Variants in PROM2 observed in about 807,000 individuals in gnomAD.
The protein encoded by PROM2 is prominin 2.
PROM2 carries 90 observed loss-of-function variants against 110.2 expected under a neutral mutation model. The ratio of observed to expected loss-of-function variants is 0.82; its 90% CI spans 0.69 to 0.97. PROM2 has a LOEUF of 0.97. Among genes scored for constraint, PROM2 ranks in the 50% least tolerant of loss-of-function variants. The pLI, the probability that PROM2 is intolerant of heterozygous loss-of-function variation, is 0.00. For synonymous variants in PROM2, 470 were observed against 467.8 expected (o/e 1.00, Z -0.06); for missense variants, 1,009 against 1,074.8 (o/e 0.94, Z 0.86).
At position 95,289,408 on chromosome 2, in the gene PROM2, G is replaced by A. The variant is rs868826947; in HGVS notation, c.*195G>A. The A allele has an allele frequency of 3.1e-5, 7 of 223,376 alleles. No individual in the cohort carries two copies. Among genetic ancestry groups the A allele is most frequent in the African/African-American group, 1.1e-4 (5 of 43,600 alleles). 13.8% of individuals were successfully genotyped at this position (223,376 alleles called of 1,614,324 possible). On this transcript the variant is annotated 3_prime_UTR_variant, in exon 24 of 24. Coordinates refer to ENST00000317620, the MANE Select transcript of PROM2 (RefSeq NM_001165978.3). ...TCTGCTCACGACCCCCATCATTCAC[G>A]CTCAGAATCACATGGGACTTCTGTG...
rs756684142 is a variant in PROM2, at chr2:95,285,072, G to A, written c.1832G>A (p.Ser611Asn). 6.3e-7 allele frequency: 1 copy of A among 1,593,070 alleles called. No individual in the cohort carries two copies. The highest frequency in any genetic ancestry group is 1.1e-5 in the South Asian group (1 of 87,918). ...AARRDLEALQ[S>N]SGLQRIHYPD... ...CGCCGGGACCTGGAGGCCCTGCAGA[G>A]CAGTGGGCTTCAGCGCATCCACTAC... is the stretch of plus-strand genomic sequence containing the variant. The change falls in exon 15 of 24, where the codon AGC becomes AAC. Residue 611 changes from serine to asparagine, a missense_variant. Physicochemically the swap from Ser to Asn is conservative, Grantham distance 46. Coordinates refer to ENST00000317620, the MANE Select transcript of PROM2 (RefSeq NM_001165978.3).
rs1676527923 is a variant in PROM2, at chr2:95,274,520, G to A, written c.-66G>A. 2.0e-6 allele frequency: 3 copies of A among 1,490,964 alleles called. No homozygotes were observed. In the South Asian group the frequency reaches 4.2e-5, roughly 21 times the overall value. The allele number at this position is 1,490,964 out of a possible 1,614,324, so 92.4% of individuals were successfully genotyped here. A position where few individuals can be genotyped will look rare whatever the true frequency, so the allele number is the denominator to read the frequency against. ...GAGAGAGGGACAGAGGCTGGAGAAG[G>A]ATGTATGGCCTGCCCTGGGCTTGTC... On this transcript the variant is annotated 5_prime_UTR_variant, in exon 1 of 24. Coordinates refer to ENST00000317620, the MANE Select transcript of PROM2 (RefSeq NM_001165978.3).
chr2:95,288,706 C>T (rs1049638362), intron 22 of PROM2, 117 bp downstream of exon 22: 24 of 941,780 alleles, frequency 2.5e-5, no homozygotes, highest in East Asian at 1.8e-4. Context: ...GGCTCATGAG[C>T]GAGCCCTGAA....
rs754056605 is a variant in PROM2, at chr2:95,281,353, C to G, written c.1539C>G (p.Gly513=). The part of the protein sequence containing the change: ...QTLVCQSWEN[G]ELFEFADTPG... ...TGGTGTGCCAGAGCTGGGAGAACGGCGAGCTCTTTGAGGTAGGCCTGTCTC... is the reference window on the plus strand; with the variant it reads ...TGGTGTGCCAGAGCTGGGAGAACGGGGAGCTCTTTGAGGTAGGCCTGTCTC... The change falls in exon 12 of 24, where the codon GGC becomes GGG. Residue 513 remains glycine (G), a synonymous_variant. Transcript: ENST00000317620. 1 of 1,606,766 alleles carries G rather than the reference C, an allele frequency of 6.2e-7. No individual in the cohort carries two copies. Among genetic ancestry groups the G allele is most frequent in the African/African-American group, 1.3e-5 (1 of 74,272 alleles).
Position 95,275,924 on chromosome 2 carries a change from G to A in PROM2, c.295-6G>A. 6.2e-7 allele frequency: 1 copy of A among 1,606,934 alleles called. No homozygotes were observed. ...GGTCACCCCTCATGCCCTGCTGCCT[G>A]CCCAGGTGGTGCGGTACGAGGCGGG... is the stretch of plus-strand genomic sequence containing the variant. On this transcript the variant is annotated splice_polypyrimidine_tract_variant and splice_region_variant and intron_variant, in intron 2 of 23. Transcript: ENST00000317620. The surrounding 1 kb of genome is among the most constrained non-coding windows in gnomAD (Gnocchi z 4.4).
Position 95,275,101 on chromosome 2 carries a change from A to G in PROM2, c.244+272A>G, listed in dbSNP as rs1676570449. ...CCTGACTCAGACATCCTCTTAGTCT[A>G]TCGGTGCTTGGGTTGGGTGGTCCAG... On this transcript the variant is annotated intron_variant, in intron 1 of 23. Coordinates refer to ENST00000317620, the MANE Select transcript of PROM2 (RefSeq NM_001165978.3). This position sits in a 1 kb window ranked among gnomAD's most constrained non-coding sequence, Gnocchi z 4.4. The G allele has an allele frequency of 2.1e-6, 1 of 482,360 alleles. No individual in the cohort carries two copies. Among genetic ancestry groups the G allele is most frequent in the African/African-American group, 2.0e-5 (1 of 50,760 alleles). The allele number at this position is 482,360 out of a possible 1,614,324, so 29.9% of individuals were successfully genotyped here.
Position 95,276,622 on chromosome 2 carries a change from C to T in PROM2, c.647C>T (p.Ser216Phe), listed in dbSNP as rs776731438. 27 of 1,613,358 alleles carry T rather than the reference C, an allele frequency of 1.7e-5. 1 individual carries two copies. In the South Asian group the frequency reaches 2.3e-4, roughly 14 times the overall value. ...CTGCAGGCCGTGGCACAGCAATTCT[C>T]CCTGCCCCAGGAGCAAGTCTCAGAG... The part of the protein sequence containing the change: ...QELQAVAQQF[S>F]LPQEQVSEEL... Residue 216 changes from serine to phenylalanine, a missense_variant, in exon 5 of 24, where the codon TCC (serine) becomes TTC (phenylalanine). By Grantham distance (155) the Ser-to-Phe change is radical. Transcript: ENST00000317620. The surrounding 1 kb of genome is among the most constrained non-coding windows in gnomAD (Gnocchi z 4.6).
chr2:95,278,835 C>A (rs770104034), intron 9 of PROM2, 51 bp downstream of exon 9: 8 of 1,611,310 alleles, frequency 5.0e-6, no homozygotes, highest in South Asian at 4.4e-5. Flanking sequence ...TCCCACCCCA[C>A]CCCTACCAGG....
intron 10 of PROM2, among the ~76,000 whole-genome samples, chr2:95,279,603 A>C (rs763482824): frequency 2.5e-4 from 38 of 152,082 alleles, no homozygotes; most frequent in Non-Finnish European, 4.0e-4. Flanking sequence ...CCGCTTCTGC[A>C]TATTTTTAAG....
chr2:95,281,866 A>G, intron 12 of PROM2, 59 bp from the exon 13 acceptor site: 1 of 1,177,438 alleles, frequency 8.5e-7, no homozygotes, highest in Non-Finnish European at 1.3e-6. Context: ...GCCCTAGGGG[A>G]CCAGGGTGGC....
At chr2:95,278,821 G>A in intron 9 of PROM2, 37 bp downstream of exon 9, 5 of 1,613,426 alleles carry the variant, frequency 3.1e-6, no homozygotes, top group Non-Finnish European at 4.2e-6. Context: ...TGCCAGGCAT[G>A]GCTTCCCACC....
At position 95,280,930 on chromosome 2, in the gene PROM2, G is replaced by A. The variant is rs546183220; in HGVS notation, c.1428-312G>A. ...CCCACCTCAACCTCCCAAAGTGCTG[G>A]GATTATAGGTGTGAGCCCGGATAGT... On this transcript the variant is annotated intron_variant, in intron 11 of 23. Transcript: ENST00000317620. 1.4e-4 allele frequency among the ~76,000 whole-genome samples: 22 copies of A among 152,306 alleles called. 1 individual carries two copies. In the South Asian group the frequency reaches 4.4e-3, roughly 30 times the overall value.
chr2:95,274,506 A>G lies in PROM2; in HGVS notation c.-80A>G. On this transcript the variant is annotated 5_prime_UTR_variant, in exon 1 of 24. Coordinates refer to ENST00000317620, the MANE Select transcript of PROM2 (RefSeq NM_001165978.3). ...TTTTGAGAGCTGTGGAGAGAGGGAC[A>G]GAGGCTGGAGAAGGATGTATGGCCT... 1 of 1,474,560 alleles carries G rather than the reference A, an allele frequency of 6.8e-7. No individual in the cohort carries two copies. The highest frequency in any genetic ancestry group is 9.0e-7 in the Non-Finnish European group (1 of 1,109,136). 91.3% of individuals were successfully genotyped at this position (1,474,560 alleles called of 1,614,324 possible).
intron 14 of PROM2, among the ~76,000 whole-genome samples, chr2:95,283,957 A>AG (rs1677196016): frequency 6.6e-6 from 1 of 152,210 alleles, no homozygotes; most frequent in African/African-American, 2.4e-5. Context: ...ATCATTTCAG[A>AG]GCAACAAGTG....
intron 20 of PROM2, among the ~76,000 whole-genome samples, chr2:95,287,754 G>A (rs1215289612): frequency 1.3e-5 from 2 of 152,178 alleles, no homozygotes; most frequent in Admixed American, 6.5e-5. Flanking sequence ...CCTTTCCCCA[G>A]CTTGTCCAAG....
Position 95,277,033 on chromosome 2 carries a change from G to A in PROM2, c.744G>A (p.Leu248=). ...HTQLRSSVYP[L]LAAVGSLGQV... Reference sequence around the variant, plus strand: ...AGCTCAGGAGCTCCGTGTACCCCTTGCTGGCGGCCGTGGGCAGTTTGGGCC... The same window carrying A: ...AGCTCAGGAGCTCCGTGTACCCCTTACTGGCGGCCGTGGGCAGTTTGGGCC... The change falls in exon 6 of 24, where the codon TTG becomes TTA. Residue 248 remains leucine (L), a synonymous_variant. Coordinates refer to ENST00000317620, the MANE Select transcript of PROM2 (RefSeq NM_001165978.3). 1 of 1,552,478 alleles carries A rather than the reference G, an allele frequency of 6.4e-7. No individual in the cohort carries two copies. Among genetic ancestry groups the A allele is most frequent in the Non-Finnish European group, 8.7e-7 (1 of 1,147,370 alleles).
intron 8 of PROM2, 64 bp from the exon 9 acceptor site, chr2:95,278,657 G>T: frequency 1.3e-6 from 2 of 1,592,938 alleles, no homozygotes; most frequent in Non-Finnish European, 1.7e-6. Context: ...TGGTGACTTT[G>T]GGGTCTCCCA....
At chr2:95,286,111 T>C (rs930627777) in intron 16 of PROM2, among the ~76,000 whole-genome samples, 8 of 152,210 alleles carry the variant, frequency 5.3e-5, no homozygotes, top group Non-Finnish European at 1.0e-4. Flanking sequence ...GCAGTTGCCC[T>C]TGAGGGGAAA....
In PROM2 at chr2:95,276,606, G is replaced by GTGGCA; in HGVS notation, c.632_636dup (p.Gln213TrpfsTer21). ...TGTGTTTGCCTAGGAGCTGCAGGCCGTGGCACAGCAATTCTCCCTGCCCCA... is the reference window on the plus strand; with the variant it reads ...TGTGTTTGCCTAGGAGCTGCAGGCCGTGGCATGGCACAGCAATTCTCCCTGCCCCA... On this transcript the variant is annotated frameshift_variant, in exon 5 of 24. Coordinates refer to ENST00000317620, the MANE Select transcript of PROM2 (RefSeq NM_001165978.3). LOFTEE classifies it high-confidence loss of function. The surrounding 1 kb of genome is among the most constrained non-coding windows in gnomAD (Gnocchi z 4.6). The GTGGCA allele has an allele frequency of 6.2e-7, 1 of 1,613,802 alleles. No individual in the cohort carries two copies.
Sources: gnomAD v4.1 joint callset for allele counts (sites outside exome capture counted in the v4.1 genomes callset) on GRCh38, gnomAD v4.1.1 for gene constraint, Gnocchi (gnomAD v3.1) non-coding constraint, MANE v1.5 for transcripts, NCBI Gene and HGNC (gene_info 2026-07-23, HGNC 2026-07-21) for gene names.